The following AGBL4 variants were observed in gnomAD, a reference collection of about 807,000 sequenced individuals.
AGBL4 encodes the protein AGBL carboxypeptidase 4.
AGBL4 carries 58 observed loss-of-function variants against 66.4 expected under a neutral mutation model. The observed-to-expected ratio is 0.87, with a 90% CI of 0.71 to 1.09. The LOEUF (loss-of-function observed/expected upper bound fraction) is 1.09, where lower values mean the gene tolerates loss of function less well. AGBL4 is among the 50% of genes least tolerant of loss of function. The pLI is 0.00. For synonymous variants in AGBL4, 234 were observed against 222.9 expected, an observed-to-expected ratio of 1.05 and a Z score of -0.44; for missense variants, 579 against 631.0, an observed-to-expected ratio of 0.92 and a Z score of 0.88.
At chr1:49,562,137 C>T (rs1304685477) in intron 3 of AGBL4, among the ~76,000 whole-genome samples, 2 of 151,948 alleles carry the variant, frequency 1.3e-5, no homozygotes, top group Non-Finnish European at 2.9e-5. Context: ...TATCCTTCGC[C>T]GACTTTTTAA....
Position 49,542,724 on chromosome 1 carries a change from C to G in AGBL4, c.282+154589G>C, listed in dbSNP as rs188903257. ...ACCAGCCTGGCCAACATGATGAAAC[C>G]CTGTCTCTACTAAAAATACAAAAAT... is the stretch of plus-strand genomic sequence containing the variant. On this transcript the variant is annotated intron_variant, in intron 3 of 13. Coordinates refer to ENST00000371839, the MANE Select transcript of AGBL4 (RefSeq NM_032785.4). Among the ~76,000 whole-genome samples the G allele has an allele frequency of 3.4e-4, 52 of 151,694 alleles. 1 individual carries two copies. The East Asian group carries it at 9.5e-3, about 28-fold the overall frequency.
At position 48,533,691 on chromosome 1, in the gene AGBL4, G is replaced by T. The variant is rs1643925666; in HGVS notation, c.*482C>A. The stretch of plus-strand genomic sequence containing the variant: ...ATTCTGTCCCATTGTTCCCTAGGAT[G>T]CATTTGCCCTTTGGTTGCATGTGTT... On this transcript the variant is annotated 3_prime_UTR_variant, in exon 14 of 14. Transcript: ENST00000371839. 2.3e-5 allele frequency: 4 copies of T among 174,632 alleles called. No homozygotes were observed. The South Asian group carries it at 5.5e-4, about 24-fold the overall frequency. 10.8% of individuals were successfully genotyped at this position (174,632 alleles called of 1,614,324 possible). A position where few individuals can be genotyped will look rare whatever the true frequency, so the allele number is the denominator to read the frequency against.
At chr1:49,615,083 C>T (rs1418971174) in intron 3 of AGBL4, among the ~76,000 whole-genome samples, 1 of 152,110 alleles carries the variant, frequency 6.6e-6, no homozygotes, top group Non-Finnish European at 1.5e-5. Context: ...AGTAGCACTT[C>T]TGGGGTTAAC....
intron 6 of AGBL4, among the ~76,000 whole-genome samples, chr1:48,803,996 A>G (rs1645865226): frequency 6.6e-6 from 1 of 152,226 alleles, no homozygotes; most frequent in Non-Finnish European, 1.5e-5. Flanking sequence ...CCTCATCTAT[A>G]AAATGGAGAT....
intron 3 of AGBL4, among the ~76,000 whole-genome samples, chr1:49,627,014 T>C (rs1490312277): frequency 6.6e-6 from 1 of 152,184 alleles, no homozygotes; most frequent in African/African-American, 2.4e-5. Flanking sequence ...GCTGTGGTAT[T>C]ATTCAATAGC....
intron 3 of AGBL4, among the ~76,000 whole-genome samples, chr1:49,568,959 C>T (rs1409041884): frequency 6.6e-6 from 1 of 152,078 alleles, no homozygotes; most frequent in Non-Finnish European, 1.5e-5. Flanking sequence ...TTTATGATAG[C>T]TAAAATTTGG....
intron 1 of AGBL4, among the ~76,000 whole-genome samples, chr1:49,965,618 C>T (rs1405771227): frequency 6.6e-6 from 1 of 152,108 alleles, no homozygotes; most frequent in African/African-American, 2.4e-5. Flanking sequence ...ATTTGGTTAC[C>T]AAGCCATCTA....
At chr1:49,935,378 C>A (rs527888805) in intron 1 of AGBL4, among the ~76,000 whole-genome samples, 1 of 152,350 alleles carries the variant, frequency 6.6e-6, no homozygotes, top group East Asian at 1.9e-4. Context: ...TGCCTGCCTG[C>A]CTCTGTAGGC....
In AGBL4 at chr1:48,899,005, T is replaced by C. The variant is rs899935681; in HGVS notation, c.595-31775A>G. On this transcript the variant is annotated intron_variant, in intron 5 of 13. Transcript: ENST00000371839. ...CTCCCCGACCCCAGAGTGATTGCGCTGCTTCCTCCAGAGGGCGGGAACCTT... is the reference window on the plus strand; with the variant it reads ...CTCCCCGACCCCAGAGTGATTGCGCCGCTTCCTCCAGAGGGCGGGAACCTT... Among the ~76,000 whole-genome samples, 7 of 152,332 alleles carry C rather than the reference T, an allele frequency of 4.6e-5. No individual in the cohort carries two copies. The South Asian group carries it at 1.4e-3, about 32-fold the overall frequency.
At chr1:48,528,621 T>C (rs1643891909), downstream of AGBL4, among the ~76,000 whole-genome samples, 1 of 152,040 alleles carries the variant, frequency 6.6e-6, no homozygotes, top group African/African-American at 2.4e-5. Context: ...ACCACGGGCA[T>C]GAGATTAATC....
intron 3 of AGBL4, among the ~76,000 whole-genome samples, chr1:49,573,725 C>G (rs1215996876): frequency 6.6e-6 from 1 of 152,114 alleles, no homozygotes; most frequent in Non-Finnish European, 1.5e-5. Flanking sequence ...GGCTGGCCTG[C>G]AACAAAAGGT....
intron 4 of AGBL4, among the ~76,000 whole-genome samples, chr1:49,106,226 G>A (rs1396406634): frequency 2.0e-5 from 3 of 152,114 alleles, no homozygotes; most frequent in Non-Finnish European, 4.4e-5. Flanking sequence ...ATTCTCTCTT[G>A]ATACTGCCTT....
intron 3 of AGBL4, among the ~76,000 whole-genome samples, chr1:49,579,360 T>A (rs949460896): frequency 6.6e-6 from 1 of 152,204 alleles, no homozygotes; most frequent in Non-Finnish European, 1.5e-5. Flanking sequence ...CTCTTGTTAT[T>A]CCACTGTGGT....
intron 1 of AGBL4, among the ~76,000 whole-genome samples, chr1:49,980,324 A>G (rs1365008439): frequency 6.6e-6 from 1 of 152,188 alleles, no homozygotes; most frequent in Non-Finnish European, 1.5e-5. Context: ...AGTGATAGAT[A>G]TATTCATATT....
chr1:48,526,315 T>G, the AGBL4 span, among the ~76,000 whole-genome samples: 1 of 152,216 alleles, frequency 6.6e-6, no homozygotes, highest in Admixed American at 6.5e-5. Context: ...GCTCCTCCAC[T>G]TACAACAAGC....
intron 4 of AGBL4, among the ~76,000 whole-genome samples, chr1:49,215,147 A>G (rs1438474344): frequency 6.6e-6 from 1 of 152,146 alleles, no homozygotes; most frequent in African/African-American, 2.4e-5. Context: ...ATTCCAGCAT[A>G]TGCAAATCCT....
intron 4 of AGBL4, among the ~76,000 whole-genome samples, chr1:49,107,146 G>A (rs148246470): frequency 1.3e-5 from 2 of 152,208 alleles, no homozygotes; most frequent in African/African-American, 2.4e-5. Flanking sequence ...ATGATGAATC[G>A]AACTGATGGT....
At chr1:49,318,573 G>T (rs948319652) in intron 3 of AGBL4, among the ~76,000 whole-genome samples, 6 of 152,022 alleles carry the variant, frequency 3.9e-5, no homozygotes, top group South Asian at 2.1e-4. Flanking sequence ...TCCTTTAAAA[G>T]AATCTAGTAA....
intron 5 of AGBL4, among the ~76,000 whole-genome samples, chr1:48,868,926 T>G (rs1648379755): frequency 6.6e-6 from 1 of 152,224 alleles, no homozygotes; most frequent in Non-Finnish European, 1.5e-5. Context: ...GGAGAGCTGA[T>G]GAAGATCTGT....
Sources: gnomAD v4.1 joint callset for allele counts (sites outside exome capture counted in the v4.1 genomes callset) on GRCh38, gnomAD v4.1.1 for gene constraint, MANE v1.5 for transcripts, NCBI Gene and HGNC (gene_info 2026-07-23, HGNC 2026-07-21) for gene names.